Variants in MAP4K3 observed in about 807,000 individuals in gnomAD.
The protein encoded by MAP4K3 is mitogen-activated protein kinase kinase kinase kinase 3.
MAP4K3 carries 94 observed loss-of-function variants against 143.5 expected under a neutral mutation model. The ratio of observed to expected loss-of-function variants is 0.65; its 90% CI spans 0.55 to 0.78. MAP4K3 has a LOEUF of 0.78. MAP4K3 is among the 30% of genes least tolerant of loss of function. The pLI is 0.00. For synonymous variants in MAP4K3, 416 were observed against 347.2 expected (o/e 1.20, Z -2.20); for missense variants, 1,077 against 1,068.1 (o/e 1.01, Z -0.12).
At position 39,280,974 on chromosome 2, in the gene MAP4K3, A is replaced by G. The variant is rs528785930; in HGVS notation, c.1630-618T>C. 5.9e-5 allele frequency among the ~76,000 whole-genome samples: 9 copies of G among 152,314 alleles called. No homozygotes were observed. In the East Asian group the frequency reaches 7.7e-4, roughly 13 times the overall value. The stretch of plus-strand genomic sequence containing the variant: ...TCAAGTCCATTTACAAACTTTTCAG[A>G]TAATAAATATATCATAATGAAATAT... On this transcript the variant is annotated intron_variant, in intron 22 of 33. Transcript: ENST00000263881.
intron 3 of MAP4K3, 42 bp downstream of exon 3, chr2:39,356,207 T>G (rs1458030454): frequency 5.8e-6 from 7 of 1,206,796 alleles, no homozygotes; most frequent in Non-Finnish European, 8.4e-6. Context: ...CATTAGGTGA[T>G]GAAATCATTA....
intron 15 of MAP4K3, among the ~76,000 whole-genome samples, chr2:39,305,719 C>T (rs1004962464): frequency 6.6e-6 from 1 of 152,146 alleles, no homozygotes; most frequent in South Asian, 2.1e-4. Flanking sequence ...GATTATAGGG[C>T]AGGGAGCAGG....
At chr2:39,346,468 G>A (rs1665296029) in intron 3 of MAP4K3, among the ~76,000 whole-genome samples, 1 of 152,096 alleles carries the variant, frequency 6.6e-6, no homozygotes, top group African/African-American at 2.4e-5. Context: ...GTTTTTGACA[G>A]GTGTCTTATT....
At chr2:39,363,989 T>A (rs1457420040) in intron 2 of MAP4K3, among the ~76,000 whole-genome samples, 1 of 61,812 alleles carries the variant, frequency 1.6e-5, no homozygotes, top group African/African-American at 3.5e-5. Context: ...CAGATAGCCA[T>A]TATAAAAAAA....
intron 1 of MAP4K3, among the ~76,000 whole-genome samples, chr2:39,428,055 T>C (rs1484851061): frequency 1.3e-5 from 2 of 152,182 alleles, no homozygotes; most frequent in Non-Finnish European, 2.9e-5. Flanking sequence ...GGAAGTCAAC[T>C]TATTTTTCCC....
intron 2 of MAP4K3, among the ~76,000 whole-genome samples, chr2:39,366,029 T>C (rs1165364839): frequency 6.6e-6 from 1 of 152,228 alleles, no homozygotes; most frequent in Non-Finnish European, 1.5e-5. Flanking sequence ...AAATTAACAG[T>C]ACTTCAGTTG....
At chr2:39,311,755 C>T (rs1682944900) in intron 13 of MAP4K3, among the ~76,000 whole-genome samples, 1 of 152,242 alleles carries the variant, frequency 6.6e-6, no homozygotes, top group Non-Finnish European at 1.5e-5. Context: ...TAGCTGATAT[C>T]CTGTGTGCAA....
intron 8 of MAP4K3, among the ~76,000 whole-genome samples, chr2:39,330,218 G>C (rs1018394653): frequency 6.6e-6 from 1 of 151,984 alleles, no homozygotes; most frequent in Admixed American, 6.6e-5. Flanking sequence ...TATTTTTTGA[G>C]GTATATAATT....
At chr2:39,415,104 T>C (rs780256541) in intron 1 of MAP4K3, among the ~76,000 whole-genome samples, 1 of 152,188 alleles carries the variant, frequency 6.6e-6, no homozygotes, top group Non-Finnish European at 1.5e-5. Flanking sequence ...CAGATTTTCT[T>C]TTCTGCAAAA....
chr2:39,407,056 A>G (rs1436816872), intron 1 of MAP4K3, among the ~76,000 whole-genome samples: 1 of 152,206 alleles, frequency 6.6e-6, no homozygotes, highest in Non-Finnish European at 1.5e-5. Flanking sequence ...TATCCTAAGA[A>G]TACAAGGTTT....
intron 1 of MAP4K3, among the ~76,000 whole-genome samples, chr2:39,422,268 C>G (rs753267549): frequency 6.6e-6 from 1 of 152,086 alleles, no homozygotes; most frequent in Non-Finnish European, 1.5e-5. Context: ...TTACCAACTA[C>G]TCTTTCTGAA....
At chr2:39,368,046 G>A (rs1453002928) in intron 2 of MAP4K3, among the ~76,000 whole-genome samples, 3 of 151,988 alleles carry the variant, frequency 2.0e-5, no homozygotes. Flanking sequence ...TTCTTACCTG[G>A]ATCCAGCTCT....
chr2:39,398,580 G>T (rs964033478), intron 1 of MAP4K3, among the ~76,000 whole-genome samples: 1 of 151,408 alleles, frequency 6.6e-6, no homozygotes, highest in Admixed American at 6.6e-5. Flanking sequence ...GTAAATAAAC[G>T]CATTCTTTAT....
Position 39,311,237 on chromosome 2 carries a change from C to T in MAP4K3, c.998-1718G>A, listed in dbSNP as rs376231281. Among the ~76,000 whole-genome samples the T allele has an allele frequency of 2.0e-4, 31 of 152,266 alleles. 1 individual carries two copies. In the East Asian group the frequency reaches 4.8e-3, roughly 24 times the overall value. On this transcript the variant is annotated intron_variant, in intron 13 of 33. Coordinates refer to ENST00000263881, the MANE Select transcript of MAP4K3 (RefSeq NM_003618.4). Reference sequence around the variant, plus strand: ...GGCCTACAGGTGCGCGCCACTATACCTAGCTAAGTTTTTGTATTTTTAGTA... The same window carrying T: ...GGCCTACAGGTGCGCGCCACTATACTTAGCTAAGTTTTTGTATTTTTAGTA...
At chr2:39,255,815 C>T (rs972037633) in intron 31 of MAP4K3, among the ~76,000 whole-genome samples, 1 of 152,122 alleles carries the variant, frequency 6.6e-6, no homozygotes, top group Non-Finnish European at 1.5e-5. Context: ...CATGAGCCGC[C>T]GCGCCTGGCC....
At chr2:39,257,328 A>C (rs1680380370) in intron 31 of MAP4K3, among the ~76,000 whole-genome samples, 1 of 152,188 alleles carries the variant, frequency 6.6e-6, no homozygotes, top group Non-Finnish European at 1.5e-5. Flanking sequence ...AAATACTCCT[A>C]TTAAGCAAAA....
chr2:39,434,619 T>C (rs1347913892), intron 1 of MAP4K3, among the ~76,000 whole-genome samples: 2 of 152,238 alleles, frequency 1.3e-5, no homozygotes, highest in Non-Finnish European at 2.9e-5. Context: ...TGTAATACAT[T>C]ATCTGCCCAT....
chr2:39,324,897 A>G (rs1358795831), intron 12 of MAP4K3, among the ~76,000 whole-genome samples: 1 of 152,244 alleles, frequency 6.6e-6, no homozygotes, highest in East Asian at 1.9e-4. Context: ...AAACATTTCC[A>G]TAGTGAATAG....
chr2:39,268,634 A>ATTTTTCTTTTTTTT (rs1680877839), intron 26 of MAP4K3, among the ~76,000 whole-genome samples: 1 of 73,772 alleles, frequency 1.4e-5, no homozygotes, highest in Non-Finnish European at 2.4e-5. Context: ...GATTTTTTCT[A>ATTTTTCTTTTTTTT]TTTTTTTTTT....
Sources: allele counts gnomAD v4.1 joint callset (sites outside exome capture counted in the v4.1 genomes callset), GRCh38; gene constraint gnomAD v4.1.1; transcripts MANE v1.5; gene names NCBI Gene and HGNC (gene_info 2026-07-23, HGNC 2026-07-21).